Variants in IGDCC3 observed in about 807,000 individuals in gnomAD.
IGDCC3 encodes the protein immunoglobulin superfamily DCC subclass member 3, also known as putative neuronal cell adhesion molecule.
Under a neutral mutation model 72.0 loss-of-function variants are expected in IGDCC3, and 47 were observed. The ratio of observed to expected loss-of-function variants is 0.65; its 90% CI spans 0.52 to 0.83. The LOEUF (loss-of-function observed/expected upper bound fraction) is 0.83, where lower values mean the gene tolerates loss of function less well. Among genes scored for constraint, IGDCC3 ranks in the 40% least tolerant of loss-of-function variants. The pLI, the probability that IGDCC3 is intolerant of heterozygous loss-of-function variation, is 0.00. For missense variants in IGDCC3, 1,038 were observed against 1,091.3 expected (o/e 0.95, Z 0.69); for synonymous variants, 477 against 472.8 (o/e 1.01, Z -0.11).
Position 65,331,500 on chromosome 15 carries a change from A to C in IGDCC3, c.1308T>G (p.Ser436=). 1.2e-6 allele frequency: 2 copies of C among 1,613,768 alleles called. No homozygotes were observed. Among genetic ancestry groups the C allele is most frequent in the Non-Finnish European group, 1.7e-6 (2 of 1,179,962 alleles). The part of the protein sequence containing the change: ...PPRNVRAVSV[S]STEVRVSWSE... The stretch of plus-strand genomic sequence containing the variant: ...TCCAGGACACACGCACCTCAGTGGA[A>C]GACACAGAGACTGCCCGCACATTGC... The change falls in exon 8 of 14, where the codon TCT becomes TCG. Residue 436 remains serine (S), a synonymous_variant. Coordinates refer to ENST00000327987, the MANE Select transcript of IGDCC3 (RefSeq NM_004884.4).
At chr15:65,361,868 G>A (rs1438842520) in intron 2 of IGDCC3, among the ~76,000 whole-genome samples, 1 of 152,152 alleles carries the variant, frequency 6.6e-6, no homozygotes, top group Non-Finnish European at 1.5e-5. Flanking sequence ...CCTGCTGCAG[G>A]GCTGCTTCCG....
At chr15:65,334,912 C>A (rs373760015) in intron 4 of IGDCC3, 47 bp from the exon 5 acceptor site, 3 of 1,571,486 alleles carry the variant, frequency 1.9e-6, no homozygotes, top group African/African-American at 2.7e-5. Context: ...GGGACTTTCC[C>A]GCTTCCTCAC....
At chr15:65,344,683 CT>C (rs1320222077) in intron 2 of IGDCC3, among the ~76,000 whole-genome samples, 10 of 152,298 alleles carry the variant, frequency 6.6e-5, no homozygotes, top group Non-Finnish European at 1.5e-4. Context: ...CTAGGCTGGA[CT>C]TTTACAACCC....
At chr15:65,343,474 C>T (rs537029861) in intron 2 of IGDCC3, among the ~76,000 whole-genome samples, 1 of 152,206 alleles carries the variant, frequency 6.6e-6, no homozygotes, top group Admixed American at 6.5e-5. Context: ...TTACTTCTGC[C>T]TGGGGGCTTC....
intron 2 of IGDCC3, among the ~76,000 whole-genome samples, chr15:65,371,817 G>A (rs970541149): frequency 6.6e-6 from 1 of 152,208 alleles, no homozygotes; most frequent in Non-Finnish European, 1.5e-5. Context: ...TCAGGTATGA[G>A]TCAATGCACA....
intron 5 of IGDCC3, among the ~76,000 whole-genome samples, chr15:65,333,872 C>T (rs761979093): frequency 3.3e-5 from 5 of 152,188 alleles, no homozygotes; most frequent in South Asian, 4.1e-4. Flanking sequence ...CCATTCCTTC[C>T]GGCTTGACAG....
At chr15:65,366,960 G>C (rs1413465324) in intron 2 of IGDCC3, among the ~76,000 whole-genome samples, 1 of 152,238 alleles carries the variant, frequency 6.6e-6, no homozygotes. Flanking sequence ...AGAAATCAGG[G>C]AGAGGTTCTT....
chr15:65,337,240 G>A lies in IGDCC3; in HGVS notation c.410-1284C>T, dbSNP rs376905259. ...GGCGTGTTCTCCATCTCATTTGCATGTGGTTCATTAAATATAAACATGCAT... is the reference window on the plus strand; with the variant it reads ...GGCGTGTTCTCCATCTCATTTGCATATGGTTCATTAAATATAAACATGCAT... On this transcript the variant is annotated intron_variant, in intron 2 of 13. Transcript: ENST00000327987. Among the ~76,000 whole-genome samples, 72 of 152,338 alleles carry A rather than the reference G, an allele frequency of 4.7e-4. No individual in the cohort carries two copies. The South Asian group carries it at 0.011, about 23-fold the overall frequency.
chr15:65,339,825 C>T lies in IGDCC3; in HGVS notation c.410-3869G>A, dbSNP rs1003036862. Among the ~76,000 whole-genome samples, 1 of 152,212 alleles carries T rather than the reference C, an allele frequency of 6.6e-6. No homozygotes were observed. The highest frequency in any genetic ancestry group is 2.4e-5 in the African/African-American group (1 of 41,448). The stretch of plus-strand genomic sequence containing the variant: ...CTTTGGCTCTTGATGCTTTACACTC[C>T]TGCGGATATCTGTTGGTCTGGTAGG... On this transcript the variant is annotated intron_variant, in intron 2 of 13. Coordinates refer to ENST00000327987, the MANE Select transcript of IGDCC3 (RefSeq NM_004884.4). The surrounding 1 kb of genome is among the most constrained non-coding windows in gnomAD (Gnocchi z 4.1).
In IGDCC3 at chr15:65,329,567, C is replaced by T. The variant is rs777490498; in HGVS notation, c.2028G>A (p.Gln676=). Residue 676 remains glutamine (Q), a synonymous_variant, in exon 13 of 14, where the codon CAG becomes CAA. Coordinates refer to ENST00000327987, the MANE Select transcript of IGDCC3 (RefSeq NM_004884.4). The surrounding 1 kb of genome is among the most constrained non-coding windows in gnomAD (Gnocchi z 4.1). ...RVLLCKDVEN[Q]LSPPQGPRSQ... ...TCCGGGGACCCTGTGGAGGGGACAG[C>T]TGGTTTTCCACATCTTTACACAGGA... The T allele has an allele frequency of 6.2e-7, 1 of 1,611,864 alleles. No homozygotes were observed. Among genetic ancestry groups the T allele is most frequent in the African/African-American group, 1.3e-5 (1 of 74,714 alleles).
intron 2 of IGDCC3, among the ~76,000 whole-genome samples, chr15:65,350,874 C>T (rs1470144044): frequency 1.3e-5 from 2 of 152,154 alleles, no homozygotes; most frequent in Admixed American, 6.5e-5. Context: ...ATAAAAGTTG[C>T]TAAGAGTTAA....
chr15:65,335,581 T>C (rs1051935027), intron 3 of IGDCC3, among the ~76,000 whole-genome samples, 160 bp from the exon 4 acceptor site: 3 of 151,856 alleles, frequency 2.0e-5, no homozygotes, highest in Admixed American at 2.0e-4. Context: ...ACACCCTCAA[T>C]TCCAGCCTTG....
At position 65,329,917 on chromosome 15, in the gene IGDCC3, C is replaced by G; in HGVS notation, c.1859-53G>C. The G allele has an allele frequency of 1.9e-6, 3 of 1,601,768 alleles. No homozygotes were observed. The highest frequency in any genetic ancestry group is 2.6e-6 in the Non-Finnish European group (3 of 1,171,122). Reference sequence around the variant, plus strand: ...TGGCTCTCCAGGTCTGAAGCACTCCCAAACACCCAGCCTCTGGGGACTCCT... The same window carrying G: ...TGGCTCTCCAGGTCTGAAGCACTCCGAAACACCCAGCCTCTGGGGACTCCT... On this transcript the variant is annotated intron_variant, in intron 11 of 13. Coordinates refer to ENST00000327987, the MANE Select transcript of IGDCC3 (RefSeq NM_004884.4). The surrounding 1 kb of genome is among the most constrained non-coding windows in gnomAD (Gnocchi z 4.1).
intron 2 of IGDCC3, among the ~76,000 whole-genome samples, chr15:65,370,626 A>ATATATGTATGTG (rs2140172002): frequency 7.6e-6 from 1 of 131,560 alleles, no homozygotes; most frequent in African/African-American, 3.5e-5. Context: ...ATGTGTATAT[A>ATATATGTATGTG]TATATATATA....
chr15:65,364,121 C>T (rs1182171597), intron 2 of IGDCC3, among the ~76,000 whole-genome samples: 1 of 152,172 alleles, frequency 6.6e-6, no homozygotes, highest in Non-Finnish European at 1.5e-5. Context: ...TACATGCCTC[C>T]AGGTATCTGC....
At position 65,331,559 on chromosome 15, in the gene IGDCC3, C is replaced by T. The variant is rs146744299; in HGVS notation, c.1249G>A (p.Val417Ile). 1.5e-4 allele frequency: 250 copies of T among 1,613,560 alleles called. No homozygotes were observed. The highest frequency in any genetic ancestry group is 3.1e-5 in the Non-Finnish European group (37 of 1,179,882). Residue 417 changes from valine (V) to isoleucine (I), a missense_variant, in exon 8 of 14, where the codon GTA becomes ATA. Val to Ile is a conservative substitution (Grantham distance 29). Coordinates refer to ENST00000327987, the MANE Select transcript of IGDCC3 (RefSeq NM_004884.4). ...GSSQASARLTVLWAEGLPGPP... is the reference protein window; with the variant it reads ...GSSQASARLTILWAEGLPGPP... Reference sequence around the variant, plus strand: ...CCGGGGAGCCCCTCAGCCCACAGTACGGTCAGCCTGGCACTGGCCTGTGAT... The same window carrying T: ...CCGGGGAGCCCCTCAGCCCACAGTATGGTCAGCCTGGCACTGGCCTGTGAT...
chr15:65,368,160 T>TCTCACA (rs1027318437), intron 2 of IGDCC3, among the ~76,000 whole-genome samples: 1 of 146,212 alleles, frequency 6.8e-6, no homozygotes, highest in African/African-American at 2.6e-5. Context: ...TCTCTTTCAC[T>TCTCACA]CACACACACA....
Position 65,328,252 on chromosome 15 carries a change from G to A in IGDCC3, c.*657C>T, listed in dbSNP as rs1466847294. 6.6e-6 allele frequency: 1 copy of A among 151,544 alleles called. No homozygotes were observed. Among genetic ancestry groups the A allele is most frequent in the East Asian group, 1.9e-4 (1 of 5,142 alleles). 9.4% of individuals were successfully genotyped at this position (151,544 alleles called of 1,614,324 possible). ...ATTTTCTTTCACATCTGGAAATGGG[G>A]AAGTGCTTTTTTTTTTCTTTCACAC... On this transcript the variant is annotated 3_prime_UTR_variant, in exon 14 of 14. Coordinates refer to ENST00000327987, the MANE Select transcript of IGDCC3 (RefSeq NM_004884.4).
Position 65,335,274 on chromosome 15 carries a change from T to G in IGDCC3, c.685+17A>C. 6.3e-7 allele frequency: 1 copy of G among 1,597,938 alleles called. No homozygotes were observed. Among genetic ancestry groups the G allele is most frequent in the South Asian group, 1.1e-5 (1 of 88,150 alleles). On this transcript the variant is annotated intron_variant, in intron 4 of 13. Coordinates refer to ENST00000327987, the MANE Select transcript of IGDCC3 (RefSeq NM_004884.4). ...GCCAGGTGGGGAGGTTGGGGGAAAG[T>G]GCTGAAGGACCCTCACCTGACACAG...
Sources: allele counts gnomAD v4.1 joint callset (sites outside exome capture counted in the v4.1 genomes callset), GRCh38; gene constraint gnomAD v4.1.1; non-coding constraint Gnocchi (gnomAD v3.1); transcripts MANE v1.5; gene names NCBI Gene and HGNC (gene_info 2026-07-23, HGNC 2026-07-21).